CMTR2: variants seen among roughly 807,000 people sequenced by gnomAD.
The protein encoded by CMTR2 is cap methyltransferase 2.
Under a neutral mutation model 49.8 loss-of-function variants are expected in CMTR2, and 40 were observed. The ratio of observed to expected loss-of-function variants is 0.80; its 90% confidence interval spans 0.62 to 1.04. The LOEUF (loss-of-function observed/expected upper bound fraction) is 1.04. CMTR2 is among the 50% of genes least tolerant of loss of function. The probability of loss-of-function intolerance (pLI) is 0.00; values close to 1 mark genes in which losing one functional copy is unlikely to be tolerated. For synonymous variants in CMTR2, 326 were observed against 315.8 expected (o/e 1.03, Z -0.34); for missense variants, 907 against 897.2 (o/e 1.01, Z -0.14).
At chr16:71,287,747 T>C (rs2041753747) in intron 2 of CMTR2, 1 of 152,206 alleles carries the variant, frequency 6.6e-6, no homozygotes. Flanking sequence ...GTTTGTTTCT[T>C]TTTTACTGGT....
chr16:71,286,042 G>A, intron 2 of CMTR2, 103 bp from the exon 3 acceptor site: 1 of 821,170 alleles, frequency 1.2e-6, no homozygotes, highest in East Asian at 2.8e-5. Context: ...CATAAAATGG[G>A]AAGGCTAAAG....
chr16:71,289,504 G>A (rs1325239677), upstream of CMTR2: 3 of 150,604 alleles, frequency 2.0e-5, no homozygotes, highest in Admixed American at 6.6e-5. Context: ...AGCTCCCTAG[G>A]TTTTGCTTCG....
Position 71,284,165 on chromosome 16 carries a change from A to C in CMTR2, c.1756T>G (p.Ser586Ala). ...NQIKCLLVGF[S>A]TLRNIKMHIP... ...TGCATTTTGATATTACGGAGAGTCGAAAAGCCCACCAGCAGGCACTTTATT... is the reference window on the plus strand; with the variant it reads ...TGCATTTTGATATTACGGAGAGTCGCAAAGCCCACCAGCAGGCACTTTATT... The change falls in exon 3 of 3, where the codon TCG becomes GCG. Residue 586 changes from serine (S) to alanine (A), a missense_variant. By Grantham distance (99) the Ser-to-Ala change is moderately conservative. Transcript: ENST00000434935. 6.2e-7 allele frequency: 1 copy of C among 1,613,972 alleles called. No individual in the cohort carries two copies. Among genetic ancestry groups the C allele is most frequent in the Non-Finnish European group, 8.5e-7 (1 of 1,179,894 alleles).
chr16:71,283,731 G>T lies in CMTR2; in HGVS notation c.2190C>A (p.Leu730=), dbSNP rs1429251911. 1 of 1,613,960 alleles carries T rather than the reference G, an allele frequency of 6.2e-7. No homozygotes were observed. Among genetic ancestry groups the T allele is most frequent in the Non-Finnish European group, 8.5e-7 (1 of 1,179,920 alleles). The change falls in exon 3 of 3, where the codon CTC becomes CTA. Residue 730 remains leucine, a synonymous_variant. Transcript: ENST00000434935. ...QVLQFVPMEV[L]LKGALLDFLW... ...AAAAATCAAGCAGGGCCCCCTTAAG[G>T]AGTACCTCCATTGGCACAAACTGTA...
Position 71,284,645 on chromosome 16 carries a change from C to A in CMTR2, c.1276G>T (p.Gly426Cys). The A allele has an allele frequency of 6.2e-7, 1 of 1,612,492 alleles. No individual in the cohort carries two copies. Among genetic ancestry groups the A allele is most frequent in the Admixed American group, 1.7e-5 (1 of 59,766 alleles). Residue 426 changes from glycine (G) to cysteine (C), a missense_variant, in exon 3 of 3, where the codon GGT (glycine) becomes TGT (cysteine). Gly to Cys is a radical substitution (Grantham distance 159). Coordinates refer to ENST00000434935, the MANE Select transcript of CMTR2 (RefSeq NM_018348.6). ...AACCATTTTGTATTTGTACTACAAC[C>A]AATACTAGATTTTTTTACTAGCCAA... is the stretch of plus-strand genomic sequence containing the variant. ...NNWLVKKSSIGCSTNTKWFGQ... is the reference protein window; with the variant it reads ...NNWLVKKSSICCSTNTKWFGQ...
chr16:71,284,289 A>G lies in CMTR2; in HGVS notation c.1632T>C (p.Ser544=), dbSNP rs1177179492. The G allele has an allele frequency of 2.5e-6, 4 of 1,614,118 alleles. No homozygotes were observed. ...DSKFRPKQQY[S]CSCHVFSEEL... ...CTTCAGAAAAAACATGACAAGAACA[A>G]GAATACTGCTGTTTTGGCCTAAACT... Residue 544 remains serine (S), a synonymous_variant, in exon 3 of 3, where the codon TCT becomes TCC. Coordinates refer to ENST00000434935, the MANE Select transcript of CMTR2 (RefSeq NM_018348.6).
Position 71,284,237 on chromosome 16 carries a change from G to A in CMTR2, c.1684C>T (p.Leu562Phe), listed in dbSNP as rs376674471. ...EELIFSELCS[L>F]TECLQDEQVV... ...TGCTCATCCTGAAGGCACTCAGTAA[G>A]GCTACACAACTCGGAAAATATCAGT... Residue 562 changes from leucine (L) to phenylalanine (F), a missense_variant, in exon 3 of 3, where the codon CTT becomes TTT. Coordinates refer to ENST00000434935, the MANE Select transcript of CMTR2 (RefSeq NM_018348.6). The A allele has an allele frequency of 1.9e-6, 3 of 1,613,874 alleles. No homozygotes were observed. Among genetic ancestry groups the A allele is most frequent in the African/African-American group, 2.7e-5 (2 of 74,884 alleles).
intron 2 of CMTR2, chr16:71,287,121 A>T (rs757671721): frequency 1.3e-5 from 2 of 152,212 alleles, no homozygotes; most frequent in Non-Finnish European, 2.9e-5. Flanking sequence ...TACACAATGC[A>T]TTCTACAAAT....
intron 2 of CMTR2, chr16:71,286,569 C>CT (rs1186764277): frequency 6.6e-6 from 1 of 152,048 alleles, no homozygotes; most frequent in Non-Finnish European, 1.5e-5. Flanking sequence ...AATACATCCT[C>CT]TGTCCAGATT....
Position 71,285,054 on chromosome 16 carries a change from G to T in CMTR2, c.867C>A (p.Tyr289Ter). ...MFEHCSINLM[Y>*]LLNCCFDQVH... ...CTTGGTCAAAACAACAGTTTAGCAG[G>T]TACATCAAGTTTATGGAACAATGTT... Residue 289 changes from tyrosine to a stop codon, truncating the protein, a stop_gained, in exon 3 of 3, where the codon TAC becomes TAA. Transcript: ENST00000434935. LOFTEE classifies it high-confidence loss of function. 1 of 1,613,962 alleles carries T rather than the reference G, an allele frequency of 6.2e-7. No homozygotes were observed.
rs2041692775 is a variant in CMTR2, at chr16:71,285,031, T to A, written c.890A>T (p.Gln297Leu). 6.2e-7 allele frequency: 1 copy of A among 1,613,888 alleles called. No homozygotes were observed. The highest frequency in any genetic ancestry group is 1.3e-5 in the African/African-American group (1 of 74,902). Residue 297 changes from glutamine to leucine, a missense_variant, in exon 3 of 3, where the codon CAA becomes CTA. Coordinates refer to ENST00000434935, the MANE Select transcript of CMTR2 (RefSeq NM_018348.6). ...AGTAGCAGGTTTGAAAACATGGACT[T>A]GGTCAAAACAACAGTTTAGCAGGTA... is the stretch of plus-strand genomic sequence containing the variant. ...LMYLLNCCFD[Q>L]VHVFKPATSK... is the part of the protein sequence containing the mutation.
At position 71,285,137 on chromosome 16, in the gene CMTR2, C is replaced by A. The variant is rs1306094189; in HGVS notation, c.784G>T (p.Ala262Ser). 4.3e-6 allele frequency: 7 copies of A among 1,614,032 alleles called. No homozygotes were observed. The highest frequency in any genetic ancestry group is 2.7e-5 in the African/African-American group (2 of 74,928). Residue 262 changes from alanine to serine, a missense_variant, in exon 3 of 3, where the codon GCT becomes TCT. By Grantham distance (99) the Ala-to-Ser change is moderately conservative. Coordinates refer to ENST00000434935, the MANE Select transcript of CMTR2 (RefSeq NM_018348.6). ...CCACCGTTTCCAAGAGTGGTCAGAG[C>A]AGTGACAACTTCACAGTAATGCAAA... is the stretch of plus-strand genomic sequence containing the variant. ...SSLHYCEVVT[A>S]LTTLGNGGSF...
In CMTR2 at chr16:71,281,399, T is replaced by C. The variant is rs2041609336; in HGVS notation, c.*2209A>G. 1 of 151,976 alleles carries C rather than the reference T, an allele frequency of 6.6e-6. No individual in the cohort carries two copies. Among genetic ancestry groups the C allele is most frequent in the Non-Finnish European group, 1.5e-5 (1 of 67,840 alleles). 9.4% of individuals were successfully genotyped at this position (151,976 alleles called of 1,614,324 possible). A position where few individuals can be genotyped will look rare whatever the true frequency, so the allele number is the denominator to read the frequency against. ...AGATTACAAAGGAAACAATTTGATGTTTGTTTTTTAATAGATATTACAAAT... is the reference window on the plus strand; with the variant it reads ...AGATTACAAAGGAAACAATTTGATGCTTGTTTTTTAATAGATATTACAAAT... On this transcript the variant is annotated 3_prime_UTR_variant, in exon 3 of 3. Coordinates refer to ENST00000434935, the MANE Select transcript of CMTR2 (RefSeq NM_018348.6).
Position 71,283,793 on chromosome 16 carries a change from TCAA to T in CMTR2, c.2125_2127del (p.Leu709del), listed in dbSNP as rs752256267. ...GGTGAGTCAGAGTTGAGCAAAGTGC[TCAA>T]CAATTCATTCACACTCTGCAAATAT... On this transcript the variant is annotated inframe_deletion, in exon 3 of 3. Coordinates refer to ENST00000434935, the MANE Select transcript of CMTR2 (RefSeq NM_018348.6). 5.6e-6 allele frequency: 9 copies of T among 1,613,882 alleles called. No individual in the cohort carries two copies. Among genetic ancestry groups the T allele is most frequent in the Non-Finnish European group, 6.8e-6 (8 of 1,179,968 alleles).
At chr16:71,286,511 C>CAGT (rs2144853569) in intron 2 of CMTR2, 1 of 151,966 alleles carries the variant, frequency 6.6e-6, no homozygotes, top group Non-Finnish European at 1.5e-5. Context: ...TACCTGAACC[C>CAGT]AGTACTGATC....
chr16:71,289,503 G>T (rs890539412), upstream of CMTR2: 3 of 152,340 alleles, frequency 2.0e-5, no homozygotes, highest in Admixed American at 2.0e-4. Flanking sequence ...CAGCTCCCTA[G>T]GTTTTGCTTC....
rs146282486 is a variant in CMTR2 at position 71,284,156 on chromosome 16, G to A, written c.1765C>T (p.Arg589Cys). The A allele has an allele frequency of 8.9e-5, 143 of 1,613,816 alleles. No homozygotes were observed. The highest frequency in any genetic ancestry group is 8.8e-4 in the South Asian group (80 of 91,058). ...AACGGTATATGCATTTTGATATTAC[G>A]GAGAGTCGAAAAGCCCACCAGCAGG... ...KCLLVGFSTL[R>C]NIKMHIPLEV... is the part of the protein sequence containing the mutation. The change falls in exon 3 of 3, where the codon CGT (arginine) becomes TGT (cysteine). Residue 589 changes from arginine to cysteine, a missense_variant. Physicochemically the swap from Arg to Cys is radical, Grantham distance 180 (BLOSUM62 -3). Transcript: ENST00000434935.
chr16:71,284,707 A>C lies in CMTR2; in HGVS notation c.1214T>G (p.Met405Arg). The C allele has an allele frequency of 6.2e-7, 1 of 1,613,158 alleles. No homozygotes were observed. The highest frequency in any genetic ancestry group is 2.2e-5 in the East Asian group (1 of 44,866). The change falls in exon 3 of 3, where the codon ATG becomes AGG. Residue 405 changes from methionine (M) to arginine (R), a missense_variant. Physicochemically the swap from Met to Arg is moderately conservative, Grantham distance 91 (BLOSUM62 -1). Transcript: ENST00000434935. ...NLRDCAIQYF[M>R]QKFQLKHLSR... The stretch of plus-strand genomic sequence containing the variant: ...AAGATGTTTCAGTTGAAATTTTTGC[A>C]TAAAATATTGTATAGCACAATCCCT...
chr16:71,284,519 C>A lies in CMTR2; in HGVS notation c.1402G>T (p.Ala468Ser). Reference protein sequence around the residue: ...KVAKGYFNSWAEEHGVYHPGQ... With the variant: ...KVAKGYFNSWSEEHGVYHPGQ... ...GGATGATATACACCATGTTCTTCAG[C>A]CCAACTATTAAAGTATCCTTTGGCT... The change falls in exon 3 of 3, where the codon GCT becomes TCT. Residue 468 changes from alanine (A) to serine (S), a missense_variant. Coordinates refer to ENST00000434935, the MANE Select transcript of CMTR2 (RefSeq NM_018348.6). 6.2e-7 allele frequency: 1 copy of A among 1,613,748 alleles called. No individual in the cohort carries two copies. The highest frequency in any genetic ancestry group is 8.5e-7 in the Non-Finnish European group (1 of 1,179,912).
Sources: allele counts gnomAD v4.1 joint callset, GRCh38; gene constraint gnomAD v4.1.1; transcripts MANE v1.5; gene names NCBI Gene and HGNC (gene_info 2026-07-23, HGNC 2026-07-21).